TMEM178B: variants seen among roughly 807,000 people sequenced by gnomAD.
The protein encoded by TMEM178B is transmembrane protein 178B.
A neutral mutation model predicts 31.0 loss-of-function variants in TMEM178B; 5 were observed. That is an observed-to-expected ratio of 0.16 (90% CI 0.08 to 0.34). TMEM178B has a LOEUF of 0.34. TMEM178B is among the 10% of genes least tolerant of loss of function. The pLI is 1.00. For synonymous variants in TMEM178B, 164 were observed against 164.0 expected, an observed-to-expected ratio of 1.00 and a Z score of 0.00; for missense variants, 275 against 400.3, an observed-to-expected ratio of 0.69 and a Z score of 2.67.
chr7:141,258,340 TA>T lies in TMEM178B; in HGVS notation c.496+45644del, dbSNP rs552505213. ...CTAACACTAGCAATAGCTGATGAGT[TA>T]AAAAAAATCGCAAAAAATTCTCATA... On this transcript the variant is annotated intron_variant, in intron 2 of 3. Coordinates refer to ENST00000565468, the MANE Select transcript of TMEM178B (RefSeq NM_001195278.2). 1.6e-3 allele frequency among the ~76,000 whole-genome samples: 248 copies of T among 152,110 alleles called. 2 individuals are homozygous for T. The highest frequency in any genetic ancestry group is 5.6e-3 in the African/African-American group (231 of 41,538).
intron 2 of TMEM178B, among the ~76,000 whole-genome samples, chr7:141,362,119 G>T (rs548676156): frequency 2.6e-5 from 4 of 152,270 alleles, no homozygotes; most frequent in African/African-American, 9.6e-5. Context: ...GCTAATTAGC[G>T]CATCGAGTCA....
intron 1 of TMEM178B, among the ~76,000 whole-genome samples, chr7:141,082,529 T>G (rs1487521412): frequency 5.3e-5 from 8 of 152,258 alleles, no homozygotes; most frequent in Admixed American, 3.9e-4. Context: ...TATGCCCATA[T>G]GTAATAAATA....
At chr7:141,116,824 T>G (rs867088727) in intron 1 of TMEM178B, among the ~76,000 whole-genome samples, 1 of 152,212 alleles carries the variant, frequency 6.6e-6, no homozygotes, top group South Asian at 2.1e-4. Flanking sequence ...GCTTCATCCA[T>G]GTCCCTGCAA....
intron 3 of TMEM178B, among the ~76,000 whole-genome samples, chr7:141,441,169 C>T (rs1801649574): frequency 1.3e-5 from 2 of 152,198 alleles, no homozygotes; most frequent in South Asian, 4.1e-4. Context: ...ACAGAAGCTG[C>T]ACTTCCCGCC....
intron 3 of TMEM178B, among the ~76,000 whole-genome samples, chr7:141,469,972 T>C (rs1176094232): frequency 6.6e-6 from 1 of 152,236 alleles, no homozygotes; most frequent in Non-Finnish European, 1.5e-5. Flanking sequence ...CTCATAGCGT[T>C]AGCACTCCAG....
intron 1 of TMEM178B, among the ~76,000 whole-genome samples, chr7:141,097,176 A>G (rs913666604): frequency 1.3e-5 from 2 of 151,962 alleles, no homozygotes; most frequent in African/African-American, 2.4e-5. Flanking sequence ...TTATACATGT[A>G]TATAATAATG....
chr7:141,180,357 G>C (rs2129183831), intron 1 of TMEM178B, among the ~76,000 whole-genome samples: 1 of 151,430 alleles, frequency 6.6e-6, no homozygotes, highest in African/African-American at 2.4e-5. Flanking sequence ...CTACTTGGGA[G>C]GCTGAGGCAG....
intron 3 of TMEM178B, among the ~76,000 whole-genome samples, chr7:141,459,780 C>A (rs1802030679): frequency 2.0e-5 from 3 of 152,100 alleles, no homozygotes; most frequent in Admixed American, 1.3e-4. Context: ...TTTGCTCAGT[C>A]CTTGGGATGG....
chr7:141,343,226 G>A (rs527463804), intron 2 of TMEM178B, among the ~76,000 whole-genome samples: 74 of 152,302 alleles, frequency 4.9e-4, no homozygotes, highest in African/African-American at 1.6e-3. Flanking sequence ...CTTGCATTGC[G>A]TATGACAAAG....
chr7:141,356,691 G>T (rs1446826701), intron 2 of TMEM178B, among the ~76,000 whole-genome samples: 1 of 150,726 alleles, frequency 6.6e-6, no homozygotes, highest in Non-Finnish European at 1.5e-5. Flanking sequence ...TGTCCAAGTT[G>T]CTGAGTGGCC....
rs1341211804 is a variant in TMEM178B, at chr7:141,344,471, T to C, written c.497-93137T>C. 6.6e-6 allele frequency among the ~76,000 whole-genome samples: 1 copy of C among 152,194 alleles called. No individual in the cohort carries two copies. The highest frequency in any genetic ancestry group is 2.4e-5 in the African/African-American group (1 of 41,452). ...TGAAAAGTTATAAGTTTCTCACACATTTTAGGCACTCTTTTTACTTTGAAA... is the reference window on the plus strand; with the variant it reads ...TGAAAAGTTATAAGTTTCTCACACACTTTAGGCACTCTTTTTACTTTGAAA... On this transcript the variant is annotated intron_variant, in intron 2 of 3. Transcript: ENST00000565468. The surrounding 1 kb of genome is among the most constrained non-coding windows in gnomAD (Gnocchi z 4.1).
chr7:141,480,905 G>T (rs1489752730), downstream of TMEM178B, among the ~76,000 whole-genome samples: 1 of 152,202 alleles, frequency 6.6e-6, no homozygotes, highest in African/African-American at 2.4e-5. Context: ...CAAGTGCTCT[G>T]TAAAGGGTGG....
At chr7:141,425,122 C>T (rs1218548605) in intron 2 of TMEM178B, among the ~76,000 whole-genome samples, 1 of 152,202 alleles carries the variant, frequency 6.6e-6, no homozygotes, top group Non-Finnish European at 1.5e-5. Context: ...GCAAATTGCT[C>T]AACACATGCC....
chr7:141,335,387 C>T (rs1353731099), intron 2 of TMEM178B, among the ~76,000 whole-genome samples: 3 of 152,168 alleles, frequency 2.0e-5, no homozygotes, highest in Non-Finnish European at 2.9e-5. Flanking sequence ...GCACTCTGCT[C>T]CCAGAGGGCG....
intron 1 of TMEM178B, among the ~76,000 whole-genome samples, chr7:141,147,445 G>T (rs952764581): frequency 1.8e-4 from 27 of 152,270 alleles, no homozygotes; most frequent in Admixed American, 3.9e-4. Flanking sequence ...GATGTGTTAA[G>T]ATTTTTGCAT....
At chr7:141,394,216 G>A (rs549544010) in intron 2 of TMEM178B, among the ~76,000 whole-genome samples, 1 of 152,338 alleles carries the variant, frequency 6.6e-6, no homozygotes, top group South Asian at 2.1e-4. Context: ...TGGAAAGAAT[G>A]CGTCACCTCC....
chr7:141,434,915 CA>C (rs1299525134), intron 2 of TMEM178B, among the ~76,000 whole-genome samples: 2 of 152,178 alleles, frequency 1.3e-5, no homozygotes, highest in Non-Finnish European at 2.9e-5. Context: ...CAGTTCCATC[CA>C]GGTTGCTGCA....
At chr7:141,320,996 C>T (rs1799089242) in intron 2 of TMEM178B, among the ~76,000 whole-genome samples, 1 of 152,166 alleles carries the variant, frequency 6.6e-6, no homozygotes, top group South Asian at 2.1e-4. Flanking sequence ...CCCACCTGGA[C>T]CTACTCTTTA....
At position 141,344,638 on chromosome 7, in the gene TMEM178B, T is replaced by TCCTTCCTTCCTTCCTTC. The variant is rs1799587261; in HGVS notation, c.497-92969_497-92968insCTTCCTTCCTTCCTTCC. ...TTCCTTCCTTCCTTCCTCCCTTCCT[T>TCCTTCCTTCCTTCCTTC]CTTCCCTTCATCAAAAGACCTCTCA... On this transcript the variant is annotated intron_variant, in intron 2 of 3. Transcript: ENST00000565468. The surrounding 1 kb of genome is among the most constrained non-coding windows in gnomAD (Gnocchi z 4.1). 7.1e-6 allele frequency among the ~76,000 whole-genome samples: 1 copy of TCCTTCCTTCCTTCCTTC among 140,860 alleles called. No homozygotes were observed. Among genetic ancestry groups the TCCTTCCTTCCTTCCTTC allele is most frequent in the Non-Finnish European group, 1.5e-5 (1 of 66,056 alleles). 92.4% of individuals were successfully genotyped at this position (140,860 alleles called of 152,430 possible).
Sources: allele counts gnomAD v4.1 joint callset (sites outside exome capture counted in the v4.1 genomes callset), GRCh38; gene constraint gnomAD v4.1.1; non-coding constraint Gnocchi (gnomAD v3.1); transcripts MANE v1.5; gene names NCBI Gene and HGNC (gene_info 2026-07-23, HGNC 2026-07-21).